Variants in MCTP2 observed in about 807,000 individuals in gnomAD.
The protein encoded by MCTP2 is multiple C2 and transmembrane domain-containing protein 2.
A neutral mutation model predicts 111.6 loss-of-function variants in MCTP2; 132 were observed. The observed-to-expected ratio is 1.18, with a 90% CI of 1.03 to 1.37. The LOEUF is 1.37. MCTP2 is among the 40% of genes most tolerant of loss of function. MCTP2 has a pLI of 0.00. For synonymous variants in MCTP2, 395 were observed against 387.7 expected (o/e 1.02, Z -0.22); for missense variants, 1,183 against 1,067.9 (o/e 1.11, Z -1.50).
intron 21 of MCTP2, among the ~76,000 whole-genome samples, chr15:94,474,024 A>T (rs900578595): frequency 4.6e-5 from 7 of 152,132 alleles, no homozygotes; most frequent in African/African-American, 1.7e-4. Context: ...TCTATGATCC[A>T]GGACCAGTAC....
chr15:94,426,553 G>A (rs540321670), intron 17 of MCTP2, among the ~76,000 whole-genome samples: 1 of 151,942 alleles, frequency 6.6e-6, no homozygotes, highest in Middle Eastern at 3.4e-3. Flanking sequence ...GTGTTTATTT[G>A]ACTCTTACAG....
chr15:94,244,125 CAT>C, intron 1 of MCTP2, among the ~76,000 whole-genome samples: 1 of 144,548 alleles, frequency 6.9e-6, no homozygotes, highest in African/African-American at 2.6e-5. Context: ...TTTATATACA[CAT>C]GTATACACAT....
chr15:94,255,938 G>T (rs1369610654), intron 1 of MCTP2, among the ~76,000 whole-genome samples: 1 of 152,172 alleles, frequency 6.6e-6, no homozygotes, highest in Non-Finnish European at 1.5e-5. Flanking sequence ...AGCACAATCT[G>T]ATTTTTAGCA....
intron 3 of MCTP2, among the ~76,000 whole-genome samples, chr15:94,315,059 G>A (rs2076320064): frequency 6.6e-6 from 1 of 152,168 alleles, no homozygotes; most frequent in African/African-American, 2.4e-5. Flanking sequence ...TACTACACAT[G>A]GAAGTCTACA....
chr15:94,451,631 ACT>A (rs2152520827), intron 19 of MCTP2, among the ~76,000 whole-genome samples: 1 of 152,304 alleles, frequency 6.6e-6, no homozygotes, highest in South Asian at 2.1e-4. Context: ...TGAATGAATC[ACT>A]GTTACTCTTC....
chr15:94,301,510 A>C (rs2075609397), intron 2 of MCTP2, among the ~76,000 whole-genome samples: 2 of 152,154 alleles, frequency 1.3e-5, no homozygotes, highest in Non-Finnish European at 2.9e-5. Context: ...GTTGATTTGG[A>C]GGATTGGCAT....
chr15:94,245,650 A>G (rs2071915564), intron 1 of MCTP2, among the ~76,000 whole-genome samples: 1 of 146,496 alleles, frequency 6.8e-6, no homozygotes, highest in Admixed American at 6.9e-5. Context: ...ACATATACAT[A>G]TGTATATGTA....
At chr15:94,296,871 G>A (rs2075299126) in intron 1 of MCTP2, among the ~76,000 whole-genome samples, 1 of 152,182 alleles carries the variant, frequency 6.6e-6, no homozygotes, top group South Asian at 2.1e-4. Context: ...CCTGGGAGAA[G>A]CTCTTGTCAT....
intron 19 of MCTP2, among the ~76,000 whole-genome samples, chr15:94,448,998 C>T (rs1294401061): frequency 6.6e-6 from 1 of 152,104 alleles, no homozygotes; most frequent in East Asian, 1.9e-4. Flanking sequence ...CGAGATCGTG[C>T]CACTGAATTC....
At chr15:94,266,788 G>A (rs2073562214) in intron 1 of MCTP2, among the ~76,000 whole-genome samples, 1 of 152,196 alleles carries the variant, frequency 6.6e-6, no homozygotes, top group South Asian at 2.1e-4. Context: ...TAAAAGGAAA[G>A]CAATGAAGAG....
At chr15:94,434,857 CTTTTTTTTTTTCT>C (rs1414641048) in intron 17 of MCTP2, among the ~76,000 whole-genome samples, 14 of 139,052 alleles carry the variant, frequency 1.0e-4, no homozygotes, top group African/African-American at 3.8e-4. Flanking sequence ...TTCTTTCTTT[CTTTTTTTTTTTCT>C]TTTTTTTTTG....
intron 2 of MCTP2, among the ~76,000 whole-genome samples, chr15:94,306,646 A>C (rs1046565499): frequency 6.6e-6 from 1 of 152,236 alleles, no homozygotes; most frequent in Non-Finnish European, 1.5e-5. Flanking sequence ...TGTCATGGTC[A>C]ATAACTAATA....
intron 17 of MCTP2, among the ~76,000 whole-genome samples, chr15:94,413,555 T>C (rs919983433): frequency 1.4e-5 from 2 of 140,412 alleles, no homozygotes; most frequent in Admixed American, 7.2e-5. Context: ...ATGGCTTGCT[T>C]AGGCATGACG....
chr15:94,428,456 A>C (rs572105845), intron 17 of MCTP2, among the ~76,000 whole-genome samples: 6 of 152,198 alleles, frequency 3.9e-5, no homozygotes, highest in African/African-American at 9.6e-5. Flanking sequence ...CAGTTCTACT[A>C]TGACAGTTTT....
At chr15:94,268,075 C>G (rs1376218647) in intron 1 of MCTP2, among the ~76,000 whole-genome samples, 1 of 151,074 alleles carries the variant, frequency 6.6e-6, no homozygotes, top group Non-Finnish European at 1.5e-5. Context: ...ACTGTGATAG[C>G]CAGGATGGTC....
intron 1 of MCTP2, among the ~76,000 whole-genome samples, chr15:94,266,739 T>G (rs903444662): frequency 3.3e-5 from 5 of 152,184 alleles, no homozygotes; most frequent in Non-Finnish European, 5.9e-5. Context: ...TTCTGGCTTT[T>G]GACATTTGGA....
intron 20 of MCTP2, among the ~76,000 whole-genome samples, chr15:94,464,243 T>TATATATATA (rs1555481335): frequency 1.0e-4 from 6 of 57,688 alleles, no homozygotes; most frequent in Admixed American, 1.9e-4. Flanking sequence ...ATATATAATA[T>TATATATATA]ATATATATAT....
At chr15:94,243,251 GTATATACATACATACGTA>G (rs1172200061) in intron 1 of MCTP2, among the ~76,000 whole-genome samples, 1 of 147,574 alleles carries the variant, frequency 6.8e-6, no homozygotes, top group Non-Finnish European at 1.5e-5. Flanking sequence ...GCGTATATGC[GTATATACATACATACGTA>G]TGCGTACATA....
intron 1 of MCTP2, among the ~76,000 whole-genome samples, chr15:94,244,728 GTA>G (rs1171263581): frequency 6.9e-6 from 1 of 144,994 alleles, no homozygotes; most frequent in Non-Finnish European, 1.5e-5. Context: ...GTTTATATTC[GTA>G]TATGTATACA....
Sources: gnomAD v4.1 joint callset for allele counts (sites outside exome capture counted in the v4.1 genomes callset) on GRCh38, gnomAD v4.1.1 for gene constraint, MANE v1.5 for transcripts, NCBI Gene and HGNC (gene_info 2026-07-23, HGNC 2026-07-21) for gene names.